TAFA1: variants seen among roughly 807,000 people sequenced by gnomAD.
The protein encoded by TAFA1 is TAFA chemokine like family member 1.
Under a neutral mutation model 18.5 loss-of-function variants are expected in TAFA1, and 4 were observed. The ratio of observed to expected loss-of-function variants is 0.22; its 90% CI spans 0.11 to 0.49. The LOEUF is 0.49. Ranked by LOEUF, TAFA1 falls within the 20% of genes least tolerant of loss-of-function variation. The pLI, the probability that TAFA1 is intolerant of heterozygous loss-of-function variation, is 0.98. For missense variants in TAFA1, 147 were observed against 169.0 expected (o/e 0.87, Z 0.72); for synonymous variants, 56 against 55.2 (o/e 1.01, Z -0.06).
intron 2 of TAFA1, among the ~76,000 whole-genome samples, chr3:68,293,043 TA>T (rs5849813): frequency 8.0e-5 from 12 of 150,600 alleles, no homozygotes; most frequent in South Asian, 2.1e-4. Context: ...AGGATGACTT[TA>T]AAAAAAAAAT....
At chr3:68,446,959 T>G (rs1182449091) in intron 3 of TAFA1, among the ~76,000 whole-genome samples, 1 of 152,210 alleles carries the variant, frequency 6.6e-6, no homozygotes, top group South Asian at 2.1e-4. Flanking sequence ...TTAGGGGCAC[T>G]AATTATCCAT....
At chr3:68,174,081 A>G (rs1166490502) in intron 2 of TAFA1, among the ~76,000 whole-genome samples, 4 of 152,156 alleles carry the variant, frequency 2.6e-5, no homozygotes, top group Non-Finnish European at 5.9e-5. Context: ...TTTGTGAGAA[A>G]TGCAAAAAAG....
At chr3:68,286,779 A>G (rs1266377394) in intron 2 of TAFA1, among the ~76,000 whole-genome samples, 1 of 152,214 alleles carries the variant, frequency 6.6e-6, no homozygotes, top group African/African-American at 2.4e-5. Flanking sequence ...ATCAAGATAC[A>G]GAGTATTCAC....
At chr3:68,397,130 C>T (rs559388923) in intron 2 of TAFA1, among the ~76,000 whole-genome samples, 6 of 152,104 alleles carry the variant, frequency 3.9e-5, no homozygotes, top group South Asian at 2.1e-4. Context: ...GAGGATCTTC[C>T]GTTTTCTTTC....
At chr3:68,286,392 G>T (rs149285834) in intron 2 of TAFA1, among the ~76,000 whole-genome samples, 1 of 152,072 alleles carries the variant, frequency 6.6e-6, no homozygotes, top group African/African-American at 2.4e-5. Flanking sequence ...GAAGTCTAGC[G>T]TGGAGAGAAA....
At chr3:68,010,096 G>C (rs773428464) in intron 2 of TAFA1, among the ~76,000 whole-genome samples, 2 of 152,130 alleles carry the variant, frequency 1.3e-5, no homozygotes, top group Admixed American at 6.5e-5. Flanking sequence ...GGCAGACTCC[G>C]CGTGCATACC....
At chr3:68,171,980 AC>A (rs1488632234) in intron 2 of TAFA1, among the ~76,000 whole-genome samples, 1 of 152,146 alleles carries the variant, frequency 6.6e-6, no homozygotes, top group Non-Finnish European at 1.5e-5. Flanking sequence ...CATCAAGTGT[AC>A]CATTATATAG....
chr3:68,281,797 G>A (rs892647780), intron 2 of TAFA1, among the ~76,000 whole-genome samples: 1 of 152,138 alleles, frequency 6.6e-6, no homozygotes, highest in African/African-American at 2.4e-5. Flanking sequence ...ACTTAAAAGA[G>A]TGGATGCATT....
intron 2 of TAFA1, among the ~76,000 whole-genome samples, chr3:68,086,393 C>T (rs1004426473): frequency 1.3e-5 from 2 of 152,136 alleles, no homozygotes; most frequent in Non-Finnish European, 2.9e-5. Context: ...CAGAAGTTCT[C>T]TTCTTTCTCT....
At chr3:68,047,650 A>G (rs1428261955) in intron 2 of TAFA1, among the ~76,000 whole-genome samples, 1 of 152,176 alleles carries the variant, frequency 6.6e-6, no homozygotes, top group Non-Finnish European at 1.5e-5. Context: ...AAGTTATTGT[A>G]AGTAATGAAG....
At chr3:68,179,367 A>G (rs1330444591) in intron 2 of TAFA1, among the ~76,000 whole-genome samples, 1 of 152,236 alleles carries the variant, frequency 6.6e-6, no homozygotes, top group Non-Finnish European at 1.5e-5. Flanking sequence ...TAAGTGCACA[A>G]GTATTACAGA....
chr3:68,023,876 C>T (rs1008849854), intron 2 of TAFA1, among the ~76,000 whole-genome samples: 1 of 152,124 alleles, frequency 6.6e-6, no homozygotes, highest in Non-Finnish European at 1.5e-5. Context: ...GGCTATGGAA[C>T]TTTCTTTCCT....
intron 2 of TAFA1, among the ~76,000 whole-genome samples, chr3:68,308,724 C>G (rs2068465051): frequency 6.6e-6 from 1 of 152,044 alleles, no homozygotes; most frequent in Admixed American, 6.6e-5. Context: ...TTATTTTGAT[C>G]ATATGCTTAT....
At chr3:68,478,140 C>G (rs1424667915) in intron 3 of TAFA1, among the ~76,000 whole-genome samples, 5 of 152,218 alleles carry the variant, frequency 3.3e-5, no homozygotes, top group Admixed American at 3.3e-4. Flanking sequence ...CCTGAATTCT[C>G]ATAGGTAACA....
At chr3:68,133,938 A>G (rs1267197899) in intron 2 of TAFA1, among the ~76,000 whole-genome samples, 11 of 152,036 alleles carry the variant, frequency 7.2e-5, no homozygotes. Context: ...AGAAAGAGGG[A>G]CTCACAAAAG....
At chr3:68,396,718 T>A (rs1195541116) in intron 2 of TAFA1, among the ~76,000 whole-genome samples, 1 of 152,214 alleles carries the variant, frequency 6.6e-6, no homozygotes, top group African/African-American at 2.4e-5. Flanking sequence ...CTTGGGCATA[T>A]GCCTAGTAGA....
chr3:68,498,757 T>TGA (rs1483782912), intron 3 of TAFA1, among the ~76,000 whole-genome samples: 7 of 92,118 alleles, frequency 7.6e-5, no homozygotes, highest in Admixed American at 2.8e-4. Context: ...TTTTTTTTTT[T>TGA]GAGAGAGAGA....
At chr3:68,101,914 A>T (rs1026985734) in intron 2 of TAFA1, among the ~76,000 whole-genome samples, 3 of 152,152 alleles carry the variant, frequency 2.0e-5, no homozygotes, top group African/African-American at 7.2e-5. Context: ...ATTAACACAG[A>T]TCTCAAAGTG....
intron 2 of TAFA1, among the ~76,000 whole-genome samples, chr3:68,232,029 A>AT (rs1383334368): frequency 3.9e-5 from 6 of 152,194 alleles, no homozygotes; most frequent in Non-Finnish European, 8.8e-5. Flanking sequence ...GGTAATTTGC[A>AT]TATCTATCAC....
Sources: allele counts gnomAD v4.1 joint callset (sites outside exome capture counted in the v4.1 genomes callset), GRCh38; gene constraint gnomAD v4.1.1; transcripts MANE v1.5; gene names NCBI Gene and HGNC (gene_info 2026-07-23, HGNC 2026-07-21).